The following IPO11 variants were observed in gnomAD, a reference collection of about 807,000 sequenced individuals.
IPO11 encodes importin-11.
IPO11 carries 66 observed loss-of-function variants against 143.2 expected under a neutral mutation model. The observed-to-expected ratio is 0.46, with a 90% CI of 0.38 to 0.57. The LOEUF is 0.57. Among genes scored for constraint, IPO11 ranks in the 20% least tolerant of loss-of-function variants. IPO11 has a pLI of 0.00. For synonymous variants in IPO11, 385 were observed against 377.8 expected (o/e 1.02, Z -0.22); for missense variants, 1,026 against 1,141.0 (o/e 0.90, Z 1.45).
chr5:62,598,731 A>C (rs1385823938), intron 28 of IPO11, among the ~76,000 whole-genome samples: 1 of 150,206 alleles, frequency 6.7e-6, no homozygotes, highest in Non-Finnish European at 1.5e-5. Context: ...TTTTAGTAGA[A>C]ATGGGGTTTC....
intron 24 of IPO11, among the ~76,000 whole-genome samples, chr5:62,539,984 T>G (rs1198328080): frequency 6.6e-6 from 1 of 152,224 alleles, no homozygotes; most frequent in Non-Finnish European, 1.5e-5. Context: ...CCATGTCATT[T>G]TGATATTATT....
chr5:62,475,294 G>A (rs1745917822), intron 8 of IPO11, among the ~76,000 whole-genome samples: 1 of 152,180 alleles, frequency 6.6e-6, no homozygotes, highest in South Asian at 2.1e-4. Flanking sequence ...GCCGAGGCGA[G>A]TGAGTCGCTT....
chr5:62,607,004 T>C (rs1176438754), intron 29 of IPO11, among the ~76,000 whole-genome samples: 1 of 152,234 alleles, frequency 6.6e-6, no homozygotes, highest in East Asian at 1.9e-4. Context: ...GTGATTATTG[T>C]TTCTGTACTG....
intron 10 of IPO11, 158 bp downstream of exon 10, chr5:62,483,451 T>C (rs1021789875): frequency 1.9e-6 from 1 of 531,360 alleles, no homozygotes; most frequent in African/African-American, 2.0e-5. Context: ...TTAGTATGTT[T>C]ATACTAGCTT....
chr5:62,443,113 A>G, intron 3 of IPO11, 30 bp downstream of exon 3: 1 of 1,369,558 alleles, frequency 7.3e-7, no homozygotes, highest in Non-Finnish European at 1.0e-6. Flanking sequence ...CTATTCCTTG[A>G]GTATAATCCT....
At chr5:62,561,803 A>G (rs1436871123) in intron 27 of IPO11, 1 of 152,124 alleles carries the variant, frequency 6.6e-6, no homozygotes, top group Non-Finnish European at 1.5e-5. Context: ...TTTTAATTCC[A>G]TTTTGTGGAG....
Position 62,526,234 on chromosome 5 carries a change from T to G in IPO11, c.1989T>G (p.Leu663=), listed in dbSNP as rs748062422. Residue 663 remains leucine, a synonymous_variant, in exon 21 of 30, where the codon CTT becomes CTG. Transcript: ENST00000325324. ...TDVSQPPHVY[L]LEDGLELWLV... is the part of the protein sequence containing the mutation. ...TTTCACAGCCTCCACATGTTTATCT[T>G]CTGGAAGATGGTTTAGAATTATGGT... The G allele has an allele frequency of 3.1e-6, 5 of 1,612,362 alleles. No individual in the cohort carries two copies. The highest frequency in any genetic ancestry group is 4.2e-6 in the Non-Finnish European group (5 of 1,178,638).
intron 13 of IPO11, 58 bp from the exon 14 acceptor site, chr5:62,489,244 T>A: frequency 9.9e-7 from 1 of 1,011,336 alleles, no homozygotes; most frequent in Non-Finnish European, 1.4e-6. Flanking sequence ...ATATAAATTT[T>A]TTAAAAAACT....
intron 5 of IPO11, among the ~76,000 whole-genome samples, chr5:62,452,209 C>T (rs1744957914): frequency 6.9e-6 from 1 of 144,802 alleles, no homozygotes; most frequent in Admixed American, 6.6e-5. Context: ...TGTGTCACTG[C>T]ACTCCAGCCT....
chr5:62,501,634 C>T lies in IPO11; in HGVS notation c.1591-3033C>T, dbSNP rs547349935. 1.8e-4 allele frequency among the ~76,000 whole-genome samples: 27 copies of T among 152,186 alleles called. No homozygotes were observed. The Middle Eastern group carries it at 0.01, about 58-fold the overall frequency. ...CCTTTTAGGAAACTTATTCATATAA[C>T]ATTTCAGAAGGATGATACCAGATTG... On this transcript the variant is annotated intron_variant, in intron 16 of 29. Transcript: ENST00000325324.
At position 62,437,396 on chromosome 5, in the gene IPO11, A is replaced by G. The variant is rs761003190; in HGVS notation, c.117A>G (p.Pro39=). The G allele has an allele frequency of 6.2e-7, 1 of 1,610,460 alleles. No individual in the cohort carries two copies. The highest frequency in any genetic ancestry group is 1.7e-5 in the Admixed American group (1 of 59,518). Residue 39 remains proline (P), a synonymous_variant, in exon 2 of 30, where the codon CCA becomes CCG. Coordinates refer to ENST00000325324, the MANE Select transcript of IPO11 (RefSeq NM_016338.5). ...AGTTGAAGCAGTGGGAGACACAGCC[A>G]GGTTTCTATTCAGTGTTGCTGGTAA... ...EEQLKQWETQ[P]GFYSVLLNIF...
chr5:62,593,264 T>G (rs1453042464), intron 28 of IPO11, among the ~76,000 whole-genome samples: 1 of 152,144 alleles, frequency 6.6e-6, no homozygotes, highest in Non-Finnish European at 1.5e-5. Context: ...ATAACATGTT[T>G]TAACTGGAAG....
rs565565100 is a variant in IPO11, at chr5:62,542,387, C to T, written c.2250+5098C>T. Among the ~76,000 whole-genome samples, 30 of 152,164 alleles carry T rather than the reference C, an allele frequency of 2.0e-4. 1 individual carries two copies. The highest frequency in any genetic ancestry group is 3.4e-3 in the Middle Eastern group (1 of 294). Reference sequence around the variant, plus strand: ...GGACAATAGTGCTTTCATTTTACTGCTATATTTGAAGGCTGGGCAAACTCA... The same window carrying T: ...GGACAATAGTGCTTTCATTTTACTGTTATATTTGAAGGCTGGGCAAACTCA... On this transcript the variant is annotated intron_variant, in intron 24 of 29. Coordinates refer to ENST00000325324, the MANE Select transcript of IPO11 (RefSeq NM_016338.5).
chr5:62,518,565 G>C (rs1742102802), intron 20 of IPO11, among the ~76,000 whole-genome samples: 1 of 152,102 alleles, frequency 6.6e-6, no homozygotes, highest in Admixed American at 6.5e-5. Flanking sequence ...AGTGAGCCAA[G>C]ATCACACCCC....
At chr5:62,625,890 A>G (rs1746550053) in intron 29 of IPO11, among the ~76,000 whole-genome samples, 1 of 152,198 alleles carries the variant, frequency 6.6e-6, no homozygotes, top group Non-Finnish European at 1.5e-5. Context: ...TGCTGAGTCC[A>G]TTTTTTAGAG....
Position 62,504,874 on chromosome 5 carries a change from A to G in IPO11, c.1641A>G (p.Glu547=). The G allele has an allele frequency of 1.9e-6, 3 of 1,564,382 alleles. No individual in the cohort carries two copies. The highest frequency in any genetic ancestry group is 2.6e-6 in the Non-Finnish European group (3 of 1,149,176). ...TTLKLTVDDF[E]FRTDQFLPYL... The stretch of plus-strand genomic sequence containing the variant: ...GTTCTTCACCTGTTGATGATTTTGA[A>G]TTTAGAACAGATCAGTTTCTACCGG... The change falls in exon 18 of 30, where the codon GAA becomes GAG. Residue 547 remains glutamate (E), a synonymous_variant. Coordinates refer to ENST00000325324, the MANE Select transcript of IPO11 (RefSeq NM_016338.5).
At chr5:62,474,675 A>G (rs1400840756) in intron 8 of IPO11, among the ~76,000 whole-genome samples, 1 of 152,196 alleles carries the variant, frequency 6.6e-6, no homozygotes, top group African/African-American at 2.4e-5. Flanking sequence ...TGTAGCTAAA[A>G]TGAGTATTTT....
chr5:62,554,562 CTT>C (rs1388170115), intron 26 of IPO11, among the ~76,000 whole-genome samples: 3 of 152,164 alleles, frequency 2.0e-5, no homozygotes, highest in Non-Finnish European at 2.9e-5. Context: ...TTCATGCTAT[CTT>C]TTTCTTAAAT....
intron 1 of IPO11, among the ~76,000 whole-genome samples, chr5:62,436,206 G>A (rs1744226996): frequency 6.6e-6 from 1 of 152,160 alleles, no homozygotes. Context: ...ATCTAGGTCA[G>A]ATTTCTTGTT....
Sources: gnomAD v4.1 joint callset for allele counts (sites outside exome capture counted in the v4.1 genomes callset) on GRCh38, gnomAD v4.1.1 for gene constraint, MANE v1.5 for transcripts, NCBI Gene and HGNC (gene_info 2026-07-23, HGNC 2026-07-21) for gene names.